The following TRPC4AP variants were observed in gnomAD, a reference collection of about 807,000 sequenced individuals.
TRPC4AP encodes the protein transient receptor potential cation channel subfamily C member 4 associated protein.
TRPC4AP carries 45 observed loss-of-function variants against 99.0 expected under a neutral mutation model. The ratio of observed to expected loss-of-function variants is 0.45; its 90% CI spans 0.36 to 0.58. TRPC4AP has a LOEUF of 0.58. Ranked by LOEUF, TRPC4AP falls within the 20% of genes least tolerant of loss-of-function variation. The pLI is 0.00. For synonymous variants in TRPC4AP, 408 were observed against 385.8 expected, an observed-to-expected ratio of 1.06 and a Z score of -0.67; for missense variants, 879 against 985.3, an observed-to-expected ratio of 0.89 and a Z score of 1.44.
chr20:35,072,959 T>G (rs1453958250), intron 2 of TRPC4AP, among the ~76,000 whole-genome samples: 3 of 152,224 alleles, frequency 2.0e-5, no homozygotes, highest in South Asian at 4.1e-4. Flanking sequence ...TTTATTTCAT[T>G]GAGCAGTGGT....
chr20:35,041,256 A>G (rs769285441), intron 7 of TRPC4AP, among the ~76,000 whole-genome samples: 2 of 152,344 alleles, frequency 1.3e-5, no homozygotes, highest in East Asian at 3.9e-4. Flanking sequence ...CAAGAATGAT[A>G]ACATTCAGAG....
intron 4 of TRPC4AP, among the ~76,000 whole-genome samples, chr20:35,056,003 T>C (rs1395474441): frequency 6.6e-6 from 1 of 152,224 alleles, no homozygotes; most frequent in African/African-American, 2.4e-5. Context: ...TTTAAAATTG[T>C]TTCCATTCAC....
intron 8 of TRPC4AP, among the ~76,000 whole-genome samples, chr20:35,025,344 C>T (rs1373107486): frequency 6.6e-6 from 1 of 152,134 alleles, no homozygotes; most frequent in Admixed American, 6.5e-5. Context: ...CCATGCCTGG[C>T]TAACCGAAAC....
intron 5 of TRPC4AP, 31 bp from the exon 6 acceptor site, chr20:35,050,025 G>T (rs367772252): frequency 8.7e-6 from 14 of 1,602,810 alleles, no homozygotes; most frequent in South Asian, 3.4e-5. Flanking sequence ...AGAATAGGTT[G>T]TAAGTACAAA....
intron 7 of TRPC4AP, among the ~76,000 whole-genome samples, 188 bp downstream of exon 7, chr20:35,044,317 G>A (rs1194252527): frequency 6.6e-6 from 1 of 151,466 alleles, no homozygotes; most frequent in Non-Finnish European, 1.5e-5. Flanking sequence ...CCTGAGCCTG[G>A]GGAGGTCAAG....
Position 35,002,434 on chromosome 20 carries a change from T to C in TRPC4AP, c.*712A>G. 5.0e-6 allele frequency: 2 copies of C among 402,472 alleles called. No homozygotes were observed. The highest frequency in any genetic ancestry group is 8.7e-6 in the Non-Finnish European group (2 of 229,658). 24.9% of individuals were successfully genotyped at this position (402,472 alleles called of 1,614,324 possible). A position where few individuals can be genotyped will look rare whatever the true frequency, so the allele number is the denominator to read the frequency against. ...TTTAAAATAAAGTTATTTAATAGTC[T>C]CCATTTAATTGGTTTATTTGCTGTT... On this transcript the variant is annotated 3_prime_UTR_variant, in exon 19 of 19. Coordinates refer to ENST00000252015, the MANE Select transcript of TRPC4AP (RefSeq NM_015638.3).
chr20:35,086,265 G>C (rs2084843082), intron 1 of TRPC4AP, among the ~76,000 whole-genome samples: 1 of 151,924 alleles, frequency 6.6e-6, no homozygotes, highest in South Asian at 2.1e-4. Context: ...AGCCTAAATA[G>C]ATATCTTAAA....
At chr20:35,038,158 C>T (rs1322939020) in intron 7 of TRPC4AP, among the ~76,000 whole-genome samples, 1 of 150,154 alleles carries the variant, frequency 6.7e-6, no homozygotes, top group Non-Finnish European at 1.5e-5. Context: ...GGTAGCTGCA[C>T]AACACTGTAA....
chr20:35,003,551 C>T lies in TRPC4AP; in HGVS notation c.2115G>A (p.Leu705=). 1 of 1,614,020 alleles carries T rather than the reference C, an allele frequency of 6.2e-7. No individual in the cohort carries two copies. Among genetic ancestry groups the T allele is most frequent in the Non-Finnish European group, 8.5e-7 (1 of 1,179,958 alleles). The change falls in exon 18 of 19, where the codon CTG becomes CTA. Residue 705 remains leucine (L), a synonymous_variant. Coordinates refer to ENST00000252015, the MANE Select transcript of TRPC4AP (RefSeq NM_015638.3). ...ILMLARRKER[L]PLYLRLLQRM... ...GCTGCAGCAGCCGCAGGTACAGGGG[C>T]AGCCGCTCTTTCCGTCGGGCCAGCA...
intron 6 of TRPC4AP, among the ~76,000 whole-genome samples, chr20:35,046,846 T>C (rs1306332146): frequency 6.6e-6 from 1 of 152,088 alleles, no homozygotes; most frequent in Admixed American, 6.6e-5. Flanking sequence ...CCACTTCTTA[T>C]GGTTTTTTGT....
chr20:35,074,938 G>A (rs2146006558), intron 2 of TRPC4AP, among the ~76,000 whole-genome samples: 1 of 152,198 alleles, frequency 6.6e-6, no homozygotes, highest in Admixed American at 6.5e-5. Flanking sequence ...TATGAACCTG[G>A]GTGCTCCTGT....
rs781754960 is a variant in TRPC4AP, at chr20:35,019,245, T to C, written c.1218+1945A>G. On this transcript the variant is annotated intron_variant, in intron 9 of 18. Coordinates refer to ENST00000252015, the MANE Select transcript of TRPC4AP (RefSeq NM_015638.3). ...CAGCAGAAACCCAGGAAATGCTGAC[T>C]GTGCAAATGAGAACACGCTAGTGAA... 3.3e-5 allele frequency among the ~76,000 whole-genome samples: 5 copies of C among 152,340 alleles called. No individual in the cohort carries two copies. In the East Asian group the frequency reaches 9.6e-4, roughly 29 times the overall value.
At chr20:35,036,533 TAA>T (rs1259323495) in intron 7 of TRPC4AP, among the ~76,000 whole-genome samples, 2 of 152,206 alleles carry the variant, frequency 1.3e-5, no homozygotes, top group Non-Finnish European at 1.5e-5. Flanking sequence ...TTACGTTTCT[TAA>T]AAGTCGTTAT....
chr20:35,089,413 T>G (rs1390623758), intron 1 of TRPC4AP, among the ~76,000 whole-genome samples: 2 of 122,890 alleles, frequency 1.6e-5, no homozygotes, highest in South Asian at 5.1e-4. Flanking sequence ...TTTTTTTTTT[T>G]GTAGTAGAGC....
In TRPC4AP at chr20:35,008,729, C is replaced by G. The variant is rs1037836482; in HGVS notation, c.1530G>C (p.Gly510=). The part of the protein sequence containing the change: ...LNTDRSLVCD[G]KRGLLTRLLQ... Reference sequence around the variant, plus strand: ...GCAGACGAGTTAATAAGCCCCTCTTCCCATCACACACCAAACTCCTGAAAT... The same window carrying G: ...GCAGACGAGTTAATAAGCCCCTCTTGCCATCACACACCAAACTCCTGAAAT... Residue 510 remains glycine, a synonymous_variant, in exon 13 of 19, where the codon GGG becomes GGC. Coordinates refer to ENST00000252015, the MANE Select transcript of TRPC4AP (RefSeq NM_015638.3). 2.5e-6 allele frequency: 4 copies of G among 1,613,842 alleles called. No individual in the cohort carries two copies. Among genetic ancestry groups the G allele is most frequent in the African/African-American group, 2.7e-5 (2 of 74,908 alleles).
At chr20:35,056,913 G>C (rs918297208) in intron 4 of TRPC4AP, among the ~76,000 whole-genome samples, 3 of 141,718 alleles carry the variant, frequency 2.1e-5, no homozygotes, top group Non-Finnish European at 4.5e-5. Flanking sequence ...TTGAGCTCAG[G>C]AGGCGGAGGT....
At position 35,002,417 on chromosome 20, in the gene TRPC4AP, AAAGTT is replaced by A. The variant is rs541948497; in HGVS notation, c.*724_*728del. 5.1e-4 allele frequency: 217 copies of A among 422,614 alleles called. No homozygotes were observed. Among genetic ancestry groups the A allele is most frequent in the African/African-American group, 4.1e-3 (201 of 49,304 alleles). 26.2% of individuals were successfully genotyped at this position (422,614 alleles called of 1,614,324 possible). A position where few individuals can be genotyped will look rare whatever the true frequency, so the allele number is the denominator to read the frequency against. On this transcript the variant is annotated 3_prime_UTR_variant, in exon 19 of 19. Transcript: ENST00000252015. ...GGTCCACAGCAGTCATTTTTAAAAT[AAAGTT>A]ATTTAATAGTCTCCATTTAATTGGT...
intron 2 of TRPC4AP, 64 bp downstream of exon 2, chr20:35,077,982 A>T: frequency 6.7e-7 from 1 of 1,488,628 alleles, no homozygotes; most frequent in Non-Finnish European, 9.0e-7. Flanking sequence ...GAAAAAAAAA[A>T]CAGCAGACAT....
At chr20:35,038,879 C>T (rs2083385539) in intron 7 of TRPC4AP, among the ~76,000 whole-genome samples, 1 of 152,166 alleles carries the variant, frequency 6.6e-6, no homozygotes, top group African/African-American at 2.4e-5. Flanking sequence ...TCAAGACCAG[C>T]CTGGCCAATA....
Sources: allele counts gnomAD v4.1 joint callset (sites outside exome capture counted in the v4.1 genomes callset), GRCh38; gene constraint gnomAD v4.1.1; transcripts MANE v1.5; gene names NCBI Gene and HGNC (gene_info 2026-07-23, HGNC 2026-07-21).